PCDHGB6: variants seen among roughly 807,000 people sequenced by gnomAD.
The protein encoded by PCDHGB6 is protocadherin gamma subfamily B, 6.
A neutral mutation model predicts 59.1 loss-of-function variants in PCDHGB6; 51 were observed. The ratio of observed to expected loss-of-function variants is 0.86; its 90% CI spans 0.69 to 1.09. The LOEUF (loss-of-function observed/expected upper bound fraction) is 1.09. PCDHGB6 is among the 50% of genes least tolerant of loss of function. The pLI is 0.00. For missense variants in PCDHGB6, 1,148 were observed against 1,205.1 expected, an observed-to-expected ratio of 0.95 and a Z score of 0.70; for synonymous variants, 466 against 495.1, an observed-to-expected ratio of 0.94 and a Z score of 0.78.
intron 1 of PCDHGB6, chr5:141,413,249 G>A (rs756270877): frequency 6.8e-6 from 11 of 1,613,832 alleles, no homozygotes; most frequent in Non-Finnish European, 9.3e-6. Flanking sequence ...CTTTTCTTCG[G>A]GATTCCATGG....
chr5:141,428,082 G>A lies in PCDHGB6; in HGVS notation c.2418+17462G>A, dbSNP rs776612130. 2.5e-6 allele frequency: 4 copies of A among 1,609,030 alleles called. No individual in the cohort carries two copies. In the African/African-American group the frequency reaches 5.3e-5, roughly 21 times the overall value. On this transcript the variant is annotated intron_variant, in intron 1 of 3. Transcript: ENST00000520790. ...GGTGGACGCAGATTCGGGACACAACGCTTGGCTGTCCTACCACGTGCTGCA... is the reference window on the plus strand; with the variant it reads ...GGTGGACGCAGATTCGGGACACAACACTTGGCTGTCCTACCACGTGCTGCA...
rs1357143790 is a variant in PCDHGB6 at position 141,408,147 on chromosome 5, A to G, written c.-56A>G. 6.7e-7 allele frequency: 1 copy of G among 1,503,488 alleles called. No homozygotes were observed. Among genetic ancestry groups the G allele is most frequent in the Non-Finnish European group, 8.9e-7 (1 of 1,123,296 alleles). The allele number at this position is 1,503,488 out of a possible 1,614,324, so 93.1% of individuals were successfully genotyped here. ...GGGCCGAATGCTCTTTTAGCGCGGT[A>G]GAGTGCACTTTCTCCAACTGGAAAA... On this transcript the variant is annotated 5_prime_UTR_variant, in exon 1 of 4. Coordinates refer to ENST00000520790, the MANE Select transcript of PCDHGB6 (RefSeq NM_018926.3).
chr5:141,486,282 C>T lies in PCDHGB6; in HGVS notation c.2419-8525C>T. ...AGTGCAGAACCTGGCACTGTGGTGGCACTTATCAGTGTGCAGGATCCAGAC... is the reference window on the plus strand; with the variant it reads ...AGTGCAGAACCTGGCACTGTGGTGGTACTTATCAGTGTGCAGGATCCAGAC... On this transcript the variant is annotated intron_variant, in intron 1 of 3. Transcript: ENST00000520790. This position sits in a 1 kb window ranked among gnomAD's most constrained non-coding sequence, Gnocchi z 5.0. 6.2e-7 allele frequency: 1 copy of T among 1,614,052 alleles called. No homozygotes were observed. Among genetic ancestry groups the T allele is most frequent in the Non-Finnish European group, 8.5e-7 (1 of 1,179,992 alleles).
chr5:141,494,394 T>C (rs1437164389), intron 1 of PCDHGB6, among the ~76,000 whole-genome samples: 1 of 152,154 alleles, frequency 6.6e-6, no homozygotes, highest in African/African-American at 2.4e-5. Flanking sequence ...GTTGAATAAA[T>C]TCATTCTAGG....
Position 141,415,089 on chromosome 5 carries a change from C to T in PCDHGB6, c.2418+4469C>T, listed in dbSNP as rs1159857230. 1.9e-6 allele frequency: 3 copies of T among 1,613,556 alleles called. No individual in the cohort carries two copies. In the South Asian group the frequency reaches 3.3e-5, roughly 18 times the overall value. The stretch of plus-strand genomic sequence containing the variant: ...TGCGCACGGCGCGAGCCCTGCTGGA[C>T]AGAGACGCGCTCAAGCAAAGCCTCG... On this transcript the variant is annotated intron_variant, in intron 1 of 3. Coordinates refer to ENST00000520790, the MANE Select transcript of PCDHGB6 (RefSeq NM_018926.3).
intron 1 of PCDHGB6, among the ~76,000 whole-genome samples, chr5:141,466,506 G>A (rs1417729031): frequency 6.6e-6 from 1 of 152,156 alleles, no homozygotes; most frequent in Non-Finnish European, 1.5e-5. Context: ...GCACAGACAA[G>A]ATCATTTTTT....
rs777449394 is a variant in PCDHGB6, at chr5:141,408,546, A to G, written c.344A>G (p.Asn115Ser). 1 of 1,613,898 alleles carries G rather than the reference A, an allele frequency of 6.2e-7. No individual in the cohort carries two copies. The highest frequency in any genetic ancestry group is 8.5e-7 in the Non-Finnish European group (1 of 1,179,892). The part of the protein sequence containing the change: ...QLEAVVENPL[N>S]IFHVIVVIED... ...GAAGCTGTGGTGGAAAATCCTTTAA[A>G]TATTTTTCATGTCATTGTGGTGATT... The change falls in exon 1 of 4, where the codon AAT (asparagine) becomes AGT (serine). Residue 115 changes from asparagine (N) to serine (S), a missense_variant. By Grantham distance (46) the Asn-to-Ser change is conservative. Coordinates refer to ENST00000520790, the MANE Select transcript of PCDHGB6 (RefSeq NM_018926.3).
chr5:141,497,739 A>G (rs1180122239), intron 2 of PCDHGB6, among the ~76,000 whole-genome samples: 1 of 152,118 alleles, frequency 6.6e-6, no homozygotes, highest in Admixed American at 6.6e-5. Flanking sequence ...GGGTTTCGCC[A>G]CGTTGGCCAG....
At chr5:141,478,444 T>C (rs1190996745) in intron 1 of PCDHGB6, 1 of 1,613,478 alleles carries the variant, frequency 6.2e-7, no homozygotes, top group Non-Finnish European at 8.5e-7. Flanking sequence ...TGAAGAAACC[T>C]GGTGCAGCCA....
chr5:141,431,146 T>G lies in PCDHGB6; in HGVS notation c.2418+20526T>G. On this transcript the variant is annotated intron_variant, in intron 1 of 3. Coordinates refer to ENST00000520790, the MANE Select transcript of PCDHGB6 (RefSeq NM_018926.3). The surrounding 1 kb of genome is among the most constrained non-coding windows in gnomAD (Gnocchi z 4.8). The stretch of plus-strand genomic sequence containing the variant: ...TAGAAGTAAGGGACATTAACGACAA[T>G]GCGCCTTACTTTCGTGAAAGTGAAT... 6.2e-7 allele frequency: 1 copy of G among 1,614,124 alleles called. No individual in the cohort carries two copies. Among genetic ancestry groups the G allele is most frequent in the African/African-American group, 1.3e-5 (1 of 75,022 alleles).
intron 1 of PCDHGB6, chr5:141,414,594 C>T: frequency 1.2e-6 from 2 of 1,613,952 alleles, no homozygotes; most frequent in Non-Finnish European, 1.7e-6. Flanking sequence ...CCAGGGGTGC[C>T]TCCATCTTCT....
At chr5:141,458,219 C>T (rs2098940224) in intron 1 of PCDHGB6, among the ~76,000 whole-genome samples, 1 of 152,248 alleles carries the variant, frequency 6.6e-6, no homozygotes, top group African/African-American at 2.4e-5. Flanking sequence ...AATAAGTTTC[C>T]TTTCCCAGTC....
intron 1 of PCDHGB6, among the ~76,000 whole-genome samples, chr5:141,461,733 C>G (rs930217307): frequency 2.0e-5 from 3 of 152,168 alleles, no homozygotes; most frequent in African/African-American, 2.4e-5. Context: ...TGCAGTGGCA[C>G]AATCCCGGCT....
rs761149166 is a variant in PCDHGB6 at position 141,510,977 on chromosome 5, G to C, written c.2597G>C (p.Gly866Ala). Residue 866 changes from glycine to alanine, a missense_variant, in exon 4 of 4, where the codon GGG (glycine) becomes GCG (alanine). Around this residue, in one of 5 missense-constraint regions of PCDHGB6, gnomAD observed 283 missense variants for 318.6 expected, o/e 0.89. Coordinates refer to ENST00000520790, the MANE Select transcript of PCDHGB6 (RefSeq NM_018926.3). Reference protein sequence around the residue: ...EAADGSSTLGGGAGTMGLSAR... With the variant: ...EAADGSSTLGAGAGTMGLSAR... ...GCTGATGGGAGCTCCACCCTGGGAG[G>C]GGGTGCCGGCACCATGGGATTGAGC... 9 of 1,614,052 alleles carry C rather than the reference G, an allele frequency of 5.6e-6. No individual in the cohort carries two copies. The Admixed American group carries it at 1.3e-4, about 24-fold the overall frequency.
intron 1 of PCDHGB6, among the ~76,000 whole-genome samples, chr5:141,448,214 G>A (rs2098576063): frequency 6.6e-6 from 1 of 152,092 alleles, no homozygotes; most frequent in Non-Finnish European, 1.5e-5. Context: ...CTGTGTGTAT[G>A]CGAATGTATG....
At chr5:141,434,920 A>G (rs927245955) in intron 1 of PCDHGB6, among the ~76,000 whole-genome samples, 3 of 151,796 alleles carry the variant, frequency 2.0e-5, no homozygotes, top group East Asian at 1.9e-4. Flanking sequence ...ATTTATGTAC[A>G]TATATTTTAT....
At chr5:141,465,522 G>A (rs1416012695) in intron 1 of PCDHGB6, among the ~76,000 whole-genome samples, 1 of 152,112 alleles carries the variant, frequency 6.6e-6, no homozygotes, top group Non-Finnish European at 1.5e-5. Context: ...AGGATTCTGG[G>A]GAAGTTTTCC....
chr5:141,467,268 G>C lies in PCDHGB6; in HGVS notation c.2419-27539G>C, dbSNP rs1195615721. On this transcript the variant is annotated intron_variant, in intron 1 of 3. Transcript: ENST00000520790. The stretch of plus-strand genomic sequence containing the variant: ...GGGTTTCACCATGTTGGCCAGGCTG[G>C]TCTCGAACTCTTGACCTCAAGTGAT... Among the ~76,000 whole-genome samples, 3 of 152,030 alleles carry C rather than the reference G, an allele frequency of 2.0e-5. No homozygotes were observed. The South Asian group carries it at 6.2e-4, about 32-fold the overall frequency.
chr5:141,485,172 C>T lies in PCDHGB6; in HGVS notation c.2419-9635C>T, dbSNP rs377648315. 3.9e-5 allele frequency: 62 copies of T among 1,610,044 alleles called. No individual in the cohort carries two copies. The highest frequency in any genetic ancestry group is 5.1e-5 in the Non-Finnish European group (60 of 1,176,944). On this transcript the variant is annotated intron_variant, in intron 1 of 3. Coordinates refer to ENST00000520790, the MANE Select transcript of PCDHGB6 (RefSeq NM_018926.3). The surrounding 1 kb of genome is among the most constrained non-coding windows in gnomAD (Gnocchi z 5.7). ...CAAGTAGAGAATTAGCGGGCGGCAGCAATGCTCCGCAAGGTGAGAAGCTGG... is the reference window on the plus strand; with the variant it reads ...CAAGTAGAGAATTAGCGGGCGGCAGTAATGCTCCGCAAGGTGAGAAGCTGG...
Sources: gnomAD v4.1 joint callset for allele counts (sites outside exome capture counted in the v4.1 genomes callset) on GRCh38, gnomAD v4.1.1 for gene constraint, gnomAD v4.1.1 regional missense constraint, Gnocchi (gnomAD v3.1) non-coding constraint, MANE v1.5 for transcripts, NCBI Gene and HGNC (gene_info 2026-07-23, HGNC 2026-07-21) for gene names.